DPP10: variants seen among roughly 807,000 people sequenced by gnomAD.
DPP10 encodes the protein inactive dipeptidyl peptidase 10.
In DPP10, 33 loss-of-function variants were observed where a neutral mutation model predicts 120.9. That is an observed-to-expected ratio of 0.27 (90% CI 0.21 to 0.37). The LOEUF is 0.37. Ranked by LOEUF, DPP10 falls within the 10% of genes least tolerant of loss-of-function variation. DPP10 has a pLI of 1.00. For missense variants in DPP10, 816 were observed against 942.8 expected (o/e 0.87, Z 1.76); for synonymous variants, 337 against 326.1 (o/e 1.03, Z -0.36).
chr2:115,251,481 C>A (rs547873737), intron 1 of DPP10, among the ~76,000 whole-genome samples: 4 of 152,124 alleles, frequency 2.6e-5, no homozygotes, highest in East Asian at 1.9e-4. Flanking sequence ...GCTTTTACTG[C>A]GACAAAAAAT....
At chr2:114,507,135 C>T (rs1683739686) in intron 1 of DPP10, among the ~76,000 whole-genome samples, 1 of 151,264 alleles carries the variant, frequency 6.6e-6, no homozygotes, top group Non-Finnish European at 1.5e-5. Flanking sequence ...GCAGCCTCCA[C>T]CTCCTGGGCT....
chr2:114,900,077 C>T (rs963687550), intron 1 of DPP10, among the ~76,000 whole-genome samples: 1 of 152,210 alleles, frequency 6.6e-6, no homozygotes, highest in East Asian at 1.9e-4. Context: ...ATCTGTTTTA[C>T]TGTTGATGGA....
intron 1 of DPP10, among the ~76,000 whole-genome samples, chr2:115,125,956 C>G (rs533268382): frequency 2.7e-3 from 411 of 152,242 alleles, no homozygotes; most frequent in Middle Eastern, 6.8e-3. Flanking sequence ...AAAAAGGTAC[C>G]TGTTTCATAA....
chr2:115,297,389 A>G (rs147175824), intron 1 of DPP10: 80 of 199,960 alleles, frequency 4.0e-4, no homozygotes, highest in African/African-American at 1.7e-3. Context: ...CACATTAGGT[A>G]TAGATTATCT....
At chr2:115,144,580 C>G (rs928434324) in intron 1 of DPP10, among the ~76,000 whole-genome samples, 1 of 147,738 alleles carries the variant, frequency 6.8e-6, no homozygotes, top group Non-Finnish European at 1.5e-5. Context: ...CAGGCTAAAA[C>G]CTTTCCTCTT....
chr2:115,542,716 A>G (rs1343855518), intron 5 of DPP10, among the ~76,000 whole-genome samples: 1 of 151,550 alleles, frequency 6.6e-6, no homozygotes, highest in Non-Finnish European at 1.5e-5. Flanking sequence ...GAGAGAGATG[A>G]CATTGAGACC....
intron 1 of DPP10, among the ~76,000 whole-genome samples, chr2:114,558,113 A>G (rs1221745148): frequency 6.6e-6 from 1 of 152,204 alleles, no homozygotes; most frequent in Non-Finnish European, 1.5e-5. Context: ...TCAAAGAACA[A>G]TAAACACTTC....
chr2:115,641,583 G>C (rs1237443306), intron 5 of DPP10, among the ~76,000 whole-genome samples: 1 of 152,036 alleles, frequency 6.6e-6, no homozygotes, highest in Non-Finnish European at 1.5e-5. Flanking sequence ...ATCACTGTCT[G>C]AAGTTATCTA....
chr2:114,774,665 G>GTATATA (rs34871165), intron 1 of DPP10, among the ~76,000 whole-genome samples: 165 of 145,234 alleles, frequency 1.1e-3, no homozygotes, highest in African/African-American at 3.6e-3. Flanking sequence ...CAATAATGAT[G>GTATATA]TATATATATA....
At chr2:114,655,351 C>A (rs1036332369) in intron 1 of DPP10, among the ~76,000 whole-genome samples, 1 of 152,094 alleles carries the variant, frequency 6.6e-6, no homozygotes, top group Non-Finnish European at 1.5e-5. Flanking sequence ...AAACGTGTGG[C>A]GTTTAAAGAA....
intron 1 of DPP10, among the ~76,000 whole-genome samples, chr2:115,109,180 A>C (rs2049090820): frequency 2.0e-5 from 3 of 152,116 alleles, no homozygotes; most frequent in Non-Finnish European, 4.4e-5. Flanking sequence ...CTTTTCTGGA[A>C]AACAAAGAGG....
chr2:114,462,629 T>G (rs1040417552), intron 1 of DPP10, among the ~76,000 whole-genome samples: 3 of 152,208 alleles, frequency 2.0e-5, no homozygotes, highest in African/African-American at 7.2e-5. Context: ...TCAACGTGAC[T>G]TATCACTGAT....
chr2:115,269,052 C>T (rs535754968), intron 1 of DPP10, among the ~76,000 whole-genome samples: 4 of 152,088 alleles, frequency 2.6e-5, no homozygotes, highest in South Asian at 2.1e-4. Flanking sequence ...GAGGCTGAGA[C>T]GGGAGAATCA....
At chr2:114,599,201 A>G (rs1284399488) in intron 1 of DPP10, among the ~76,000 whole-genome samples, 1 of 151,944 alleles carries the variant, frequency 6.6e-6, no homozygotes, top group African/African-American at 2.4e-5. Context: ...AAGATAATCT[A>G]AAGAAGAGAA....
At chr2:114,837,210 T>TG (rs1218517850) in intron 1 of DPP10, among the ~76,000 whole-genome samples, 2 of 152,204 alleles carry the variant, frequency 1.3e-5, no homozygotes, top group Non-Finnish European at 1.5e-5. Context: ...TCACAATCTA[T>TG]GTTCAGAGAT....
chr2:114,603,923 A>G (rs1280204150), intron 1 of DPP10, among the ~76,000 whole-genome samples: 1 of 152,110 alleles, frequency 6.6e-6, no homozygotes, highest in Non-Finnish European at 1.5e-5. Context: ...TATAGCTACA[A>G]TTTGTTACAG....
chr2:115,500,136 G>A (rs771138944), intron 4 of DPP10, among the ~76,000 whole-genome samples: 2 of 151,788 alleles, frequency 1.3e-5, no homozygotes, highest in African/African-American at 4.8e-5. Flanking sequence ...ATTATTGTTT[G>A]TATTTATATT....
chr2:114,955,273 G>T (rs933571866), intron 1 of DPP10, among the ~76,000 whole-genome samples: 1 of 152,120 alleles, frequency 6.6e-6, no homozygotes. Context: ...ACCACCAGAG[G>T]TCACTCTTGT....
At chr2:115,279,652 C>CTTTTTTTTTT (rs1244784112) in intron 1 of DPP10, among the ~76,000 whole-genome samples, 1 of 35,252 alleles carries the variant, frequency 2.8e-5, no homozygotes, top group African/African-American at 1.0e-4. Flanking sequence ...TTTTTTTCTT[C>CTTTTTTTTTT]TTCTTTTTTT....
Sources: gnomAD v4.1 joint callset for allele counts (sites outside exome capture counted in the v4.1 genomes callset) on GRCh38, gnomAD v4.1.1 for gene constraint, MANE v1.5 for transcripts, NCBI Gene and HGNC (gene_info 2026-07-23, HGNC 2026-07-21) for gene names.